Variants in STK24 observed in about 807,000 individuals in gnomAD.
The protein encoded by STK24 is serine/threonine-protein kinase 24.
Under a neutral mutation model 55.6 loss-of-function variants are expected in STK24, and 21 were observed. The observed-to-expected ratio is 0.38, with a 90% CI of 0.27 to 0.54. STK24 has a LOEUF of 0.54. Ranked by LOEUF, STK24 falls within the 20% of genes least tolerant of loss-of-function variation. The probability of loss-of-function intolerance (pLI) is 0.79; values close to 1 mark genes in which losing one functional copy is unlikely to be tolerated. For synonymous variants in STK24, 200 were observed against 215.2 expected, an observed-to-expected ratio of 0.93 and a Z score of 0.62; for missense variants, 383 against 538.4, an observed-to-expected ratio of 0.71 and a Z score of 2.86.
At chr13:98,456,932 G>C in intron 10 of STK24, 1 of 582,388 alleles carries the variant, frequency 1.7e-6, no homozygotes, top group Non-Finnish European at 3.0e-6. Context: ...TGTGGCAAAA[G>C]CTACAAATGC....
In STK24 at chr13:98,448,584, C is replaced by A; in HGVS notation, c.*4589G>T. 1 of 421,470 alleles carries A rather than the reference C, an allele frequency of 2.4e-6. No homozygotes were observed. Among genetic ancestry groups the A allele is most frequent in the Non-Finnish European group, 4.3e-6 (1 of 233,796 alleles). 26.1% of individuals were successfully genotyped at this position (421,470 alleles called of 1,614,324 possible). A position where few individuals can be genotyped will look rare whatever the true frequency, so the allele number is the denominator to read the frequency against. ...TAAAACATTGTCATTACGAGAGTGCCAAATGACATCTTCCCTCCACCCTGC... is the reference window on the plus strand; with the variant it reads ...TAAAACATTGTCATTACGAGAGTGCAAAATGACATCTTCCCTCCACCCTGC... On this transcript the variant is annotated 3_prime_UTR_variant, in exon 11 of 11. Transcript: ENST00000539966.
chr13:98,543,862 C>T (rs1157106320), intron 1 of STK24, among the ~76,000 whole-genome samples: 1 of 152,238 alleles, frequency 6.6e-6, no homozygotes. Context: ...CGGTCACCCA[C>T]ACGCATAAAC....
chr13:98,566,320 G>A (rs1162406486), intron 1 of STK24, among the ~76,000 whole-genome samples: 2 of 152,246 alleles, frequency 1.3e-5, no homozygotes, highest in Admixed American at 1.3e-4. Flanking sequence ...CATGGAGGCT[G>A]GAGGGACAAT....
At chr13:98,515,611 A>T (rs763276698) in intron 2 of STK24, among the ~76,000 whole-genome samples, 10 of 152,228 alleles carry the variant, frequency 6.6e-5, no homozygotes, top group Non-Finnish European at 1.5e-4. Context: ...GCTACAAAGC[A>T]ATTTTGTGAC....
At chr13:98,457,930 G>A (rs2139245219) in intron 9 of STK24, among the ~76,000 whole-genome samples, 1 of 152,296 alleles carries the variant, frequency 6.6e-6, no homozygotes, top group South Asian at 2.1e-4. Context: ...TGTCCTCTCT[G>A]TGCTGTTTTC....
intron 2 of STK24, among the ~76,000 whole-genome samples, chr13:98,491,864 T>C (rs1210469490): frequency 6.6e-6 from 1 of 152,150 alleles, no homozygotes; most frequent in African/African-American, 2.4e-5. Flanking sequence ...ATAGATCACA[T>C]ATCCATTTGC....
At position 98,447,119 on chromosome 13, in the gene STK24, A is replaced by G. The variant is rs1417989462; in HGVS notation, c.*6054T>C. On this transcript the variant is annotated 3_prime_UTR_variant, in exon 11 of 11. Transcript: ENST00000539966. ...AAGCTAAGCCCCAGTGAGACTGCCT[A>G]CATGGTGTAATGGCAGGGACTGCAG... is the stretch of plus-strand genomic sequence containing the variant. 1 of 324,186 alleles carries G rather than the reference A, an allele frequency of 3.1e-6. No individual in the cohort carries two copies. The highest frequency in any genetic ancestry group is 5.8e-6 in the Non-Finnish European group (1 of 172,062). 20.1% of individuals were successfully genotyped at this position (324,186 alleles called of 1,614,324 possible).
chr13:98,474,569 C>T (rs1384077616), intron 5 of STK24, among the ~76,000 whole-genome samples: 9 of 152,176 alleles, frequency 5.9e-5, no homozygotes, highest in African/African-American at 1.2e-4. Context: ...CCTGTGTCCC[C>T]GCTGCCACCA....
At chr13:98,515,035 T>C (rs1410926691) in intron 2 of STK24, among the ~76,000 whole-genome samples, 1 of 148,458 alleles carries the variant, frequency 6.7e-6, no homozygotes, top group African/African-American at 2.5e-5. Flanking sequence ...ATCTTGGCTA[T>C]AACTAAAAGT....
chr13:98,524,354 T>G (rs373626671), intron 1 of STK24, among the ~76,000 whole-genome samples: 1 of 152,072 alleles, frequency 6.6e-6, no homozygotes, highest in Non-Finnish European at 1.5e-5. Context: ...GACCCCGCAG[T>G]GTTCGCTCTG....
intron 1 of STK24, among the ~76,000 whole-genome samples, chr13:98,556,255 C>T (rs1179663505): frequency 1.3e-5 from 2 of 152,220 alleles, no homozygotes; most frequent in Non-Finnish European, 2.9e-5. Context: ...TATGCTAGGA[C>T]GCTCAGCATT....
intron 9 of STK24, among the ~76,000 whole-genome samples, chr13:98,458,727 C>A (rs1215106493): frequency 6.6e-6 from 1 of 152,168 alleles, no homozygotes; most frequent in Non-Finnish European, 1.5e-5. Context: ...GAGGGCCTGT[C>A]CCCTTGCCGT....
chr13:98,575,406 T>TACACACACAC (rs557819358), intron 1 of STK24, among the ~76,000 whole-genome samples: 27 of 148,534 alleles, frequency 1.8e-4, no homozygotes, highest in African/African-American at 6.5e-4. Flanking sequence ...TGCTTATATA[T>TACACACACAC]ACACACACAC....
intron 2 of STK24, among the ~76,000 whole-genome samples, chr13:98,518,860 G>C (rs1480455980): frequency 1.3e-5 from 2 of 152,214 alleles, no homozygotes; most frequent in African/African-American, 4.8e-5. Context: ...TTAAACCACA[G>C]CTGGTAAGTG....
At chr13:98,537,264 G>C (rs1406464271) in intron 1 of STK24, among the ~76,000 whole-genome samples, 1 of 152,230 alleles carries the variant, frequency 6.6e-6, no homozygotes, top group East Asian at 1.9e-4. Context: ...GGATGGCTAA[G>C]GACACCTGTC....
chr13:98,506,020 C>CCAAT (rs1399079199), intron 2 of STK24, among the ~76,000 whole-genome samples: 2 of 152,080 alleles, frequency 1.3e-5, no homozygotes, highest in African/African-American at 4.8e-5. Flanking sequence ...TTTTAGATAG[C>CCAAT]CAATCAAAAA....
chr13:98,563,833 C>T (rs1897495526), intron 1 of STK24, among the ~76,000 whole-genome samples: 1 of 150,656 alleles, frequency 6.6e-6, no homozygotes, highest in Admixed American at 6.6e-5. Context: ...GCACTCCAGC[C>T]TGGGTGAAGG....
At position 98,519,418 on chromosome 13, in the gene STK24, C is replaced by T. The variant is rs1384618269; in HGVS notation, c.98G>A (p.Gly33Asp). The T allele has an allele frequency of 1.2e-6, 2 of 1,614,112 alleles. No individual in the cohort carries two copies. The highest frequency in any genetic ancestry group is 1.3e-5 in the African/African-American group (1 of 74,934). ...GCCTTTGAACACCTCTCCAAAGGAG[C>T]CCTTCCCAATTTTCTCTAGTTTTGT... ...LFTKLEKIGK[G>D]SFGEVFKGID... The change falls in exon 2 of 11, where the codon GGC becomes GAC. Residue 33 changes from glycine to aspartate, a missense_variant. Coordinates refer to ENST00000539966, the MANE Select transcript of STK24 (RefSeq NM_001032296.4).
chr13:98,546,361 C>G (rs998799268), intron 1 of STK24, among the ~76,000 whole-genome samples: 3 of 145,272 alleles, frequency 2.1e-5, no homozygotes, highest in African/African-American at 7.7e-5. Context: ...CTTCTATCTA[C>G]CAACTCTTAC....
Sources: allele counts gnomAD v4.1 joint callset (sites outside exome capture counted in the v4.1 genomes callset), GRCh38; gene constraint gnomAD v4.1.1; transcripts MANE v1.5; gene names NCBI Gene and HGNC (gene_info 2026-07-23, HGNC 2026-07-21).